OPCML: variants seen among roughly 807,000 people sequenced by gnomAD.
OPCML encodes opioid-binding protein/cell adhesion molecule.
Under a neutral mutation model 37.8 loss-of-function variants are expected in OPCML, and 13 were observed. The observed-to-expected ratio is 0.34, with a 90% CI of 0.22 to 0.55. The LOEUF is 0.55. OPCML is among the 20% of genes least tolerant of loss of function. The pLI, the probability that OPCML is intolerant of heterozygous loss-of-function variation, is 0.91. For synonymous variants in OPCML, 176 were observed against 168.8 expected (o/e 1.04, Z -0.33); for missense variants, 341 against 435.6 (o/e 0.78, Z 1.93).
chr11:133,217,419 G>A (rs907447875), intron 1 of OPCML, among the ~76,000 whole-genome samples: 13 of 152,188 alleles, frequency 8.5e-5, no homozygotes, highest in Admixed American at 3.9e-4. Flanking sequence ...CTGGTCTTAG[G>A]TTTTCACACA....
chr11:132,499,439 C>A (rs2096241114), intron 4 of OPCML, among the ~76,000 whole-genome samples: 1 of 152,118 alleles, frequency 6.6e-6, no homozygotes, highest in Non-Finnish European at 1.5e-5. Flanking sequence ...TTAGGCCTGG[C>A]ACAATATGAG....
At chr11:132,888,631 G>A (rs772896171) in intron 2 of OPCML, among the ~76,000 whole-genome samples, 9 of 151,918 alleles carry the variant, frequency 5.9e-5, no homozygotes, top group Non-Finnish European at 1.0e-4. Flanking sequence ...TGTATTGTTC[G>A]TTTGTTTGTT....
chr11:132,556,398 C>T (rs755090605), intron 3 of OPCML, among the ~76,000 whole-genome samples: 3 of 152,088 alleles, frequency 2.0e-5, no homozygotes, highest in Non-Finnish European at 4.4e-5. Flanking sequence ...AGGGTGTTTG[C>T]TTCTAATTAT....
intron 3 of OPCML, among the ~76,000 whole-genome samples, chr11:132,557,931 C>T (rs1565663671): frequency 6.6e-6 from 1 of 152,108 alleles, no homozygotes; most frequent in Non-Finnish European, 1.5e-5. Context: ...TCTTACTCAT[C>T]TTTTGAAAAA....
chr11:132,907,503 C>A (rs559229873), intron 2 of OPCML, among the ~76,000 whole-genome samples: 9 of 152,084 alleles, frequency 5.9e-5, no homozygotes, highest in African/African-American at 2.2e-4. Context: ...TGGTGGCACA[C>A]CCTTGTATTC....
At chr11:132,866,481 G>A (rs899211851) in intron 2 of OPCML, among the ~76,000 whole-genome samples, 1 of 152,198 alleles carries the variant, frequency 6.6e-6, no homozygotes, top group African/African-American at 2.4e-5. Flanking sequence ...TGGAAGTCTT[G>A]TTAGTTTTTT....
chr11:132,779,558 G>A (rs371496727), intron 2 of OPCML, among the ~76,000 whole-genome samples: 5 of 151,722 alleles, frequency 3.3e-5, no homozygotes, highest in Non-Finnish European at 4.4e-5. Flanking sequence ...TAGACAGAAG[G>A]GGGGCGTGGG....
At position 132,419,912 on chromosome 11, in the gene OPCML, G is replaced by C. The variant is rs148936914; in HGVS notation, c.*281C>G. Reference sequence around the variant, plus strand: ...GAATGATGATGAGGAGAGAAGCAGAGGAAAGGGAAGGGTCAAGGTAGCAGG... The same window carrying C: ...GAATGATGATGAGGAGAGAAGCAGACGAAAGGGAAGGGTCAAGGTAGCAGG... On this transcript the variant is annotated 3_prime_UTR_variant, in exon 8 of 8. Coordinates refer to ENST00000524381, the MANE Select transcript of OPCML (RefSeq NM_001012393.5). 1.4e-3 allele frequency: 523 copies of C among 385,600 alleles called. 4 individuals are homozygous for C. Among genetic ancestry groups the C allele is most frequent in the African/African-American group, 0.01 (485 of 48,262 alleles). 23.9% of individuals were successfully genotyped at this position (385,600 alleles called of 1,614,324 possible). A position where few individuals can be genotyped will look rare whatever the true frequency, so the allele number is the denominator to read the frequency against.
chr11:132,604,553 G>C (rs1369938024), intron 3 of OPCML, among the ~76,000 whole-genome samples: 1 of 152,082 alleles, frequency 6.6e-6, no homozygotes, highest in African/African-American at 2.4e-5. Flanking sequence ...GTGGAGGCCA[G>C]GCTGCCTTCC....
At chr11:132,809,356 C>G (rs1939196953) in intron 2 of OPCML, among the ~76,000 whole-genome samples, 1 of 152,110 alleles carries the variant, frequency 6.6e-6, no homozygotes. Flanking sequence ...TCAGTTCCCC[C>G]CATACTCCAG....
intron 2 of OPCML, among the ~76,000 whole-genome samples, chr11:132,877,726 C>T (rs1943072368): frequency 6.6e-6 from 1 of 152,154 alleles, no homozygotes; most frequent in South Asian, 2.1e-4. Flanking sequence ...TCTACCCTAT[C>T]CTAGACTTTA....
chr11:133,211,967 C>T lies in OPCML; in HGVS notation c.62-268957G>A, dbSNP rs984635038. Among the ~76,000 whole-genome samples the T allele has an allele frequency of 1.3e-5, 2 of 152,114 alleles. No individual in the cohort carries two copies. Among genetic ancestry groups the T allele is most frequent in the Non-Finnish European group, 2.9e-5 (2 of 68,026 alleles). ...GTATATACTCAAACAAAGCCATGAACGCTGGGCTGTCAGATGGCAAGCCTA... is the reference window on the plus strand; with the variant it reads ...GTATATACTCAAACAAAGCCATGAATGCTGGGCTGTCAGATGGCAAGCCTA... On this transcript the variant is annotated intron_variant, in intron 1 of 7. Transcript: ENST00000524381. The surrounding 1 kb of genome is among the most constrained non-coding windows in gnomAD (Gnocchi z 4.1).
At chr11:133,183,627 G>C (rs1011553915) in intron 1 of OPCML, among the ~76,000 whole-genome samples, 1 of 152,148 alleles carries the variant, frequency 6.6e-6, no homozygotes, top group East Asian at 1.9e-4. Flanking sequence ...ATTTTCGAGA[G>C]TGTATTGTAT....
intron 2 of OPCML, among the ~76,000 whole-genome samples, chr11:132,861,004 A>G (rs1426102980): frequency 6.6e-6 from 1 of 152,238 alleles, no homozygotes; most frequent in Non-Finnish European, 1.5e-5. Flanking sequence ...AATATATTGT[A>G]CAAGGCCACG....
intron 1 of OPCML, among the ~76,000 whole-genome samples, chr11:132,999,200 G>A (rs1475446130): frequency 6.6e-6 from 1 of 152,090 alleles, no homozygotes; most frequent in African/African-American, 2.4e-5. Flanking sequence ...TTTGCCTCTG[G>A]AGAAGGAATT....
At chr11:133,005,709 C>A in intron 1 of OPCML, 1 of 977,354 alleles carries the variant, frequency 1.0e-6, no homozygotes. Flanking sequence ...CCAGATTTTT[C>A]TTATCTTTTC....
At chr11:132,432,663 A>G (rs1282545308) in intron 7 of OPCML, among the ~76,000 whole-genome samples, 2 of 152,154 alleles carry the variant, frequency 1.3e-5, no homozygotes, top group African/African-American at 4.8e-5. Flanking sequence ...CATTCCACAA[A>G]GTTTTCCTGT....
chr11:132,467,435 T>A (rs2096123371), intron 4 of OPCML, among the ~76,000 whole-genome samples: 1 of 152,248 alleles, frequency 6.6e-6, no homozygotes, highest in South Asian at 2.1e-4. Context: ...ATTAGTCAAC[T>A]TAAAAAGACT....
At chr11:133,411,114 G>A (rs1356965027) in intron 1 of OPCML, among the ~76,000 whole-genome samples, 1 of 152,114 alleles carries the variant, frequency 6.6e-6, no homozygotes, top group Non-Finnish European at 1.5e-5. Flanking sequence ...TCAAGGTGAT[G>A]CTGGGACCTA....
Sources: gnomAD v4.1 joint callset for allele counts (sites outside exome capture counted in the v4.1 genomes callset) on GRCh38, gnomAD v4.1.1 for gene constraint, Gnocchi (gnomAD v3.1) non-coding constraint, MANE v1.5 for transcripts, NCBI Gene and HGNC (gene_info 2026-07-23, HGNC 2026-07-21) for gene names.